The following CYLC2 variants were observed in gnomAD, a reference collection of about 807,000 sequenced individuals.
CYLC2 encodes cylicin 2.
A neutral mutation model predicts 26.1 loss-of-function variants in CYLC2; 30 were observed. The ratio of observed to expected loss-of-function variants is 1.15; its 90% confidence interval spans 0.86 to 1.56. The LOEUF (loss-of-function observed/expected upper bound fraction) is 1.56, where lower values mean the gene tolerates loss of function less well. CYLC2 is among the 40% of genes most tolerant of loss of function. The probability of loss-of-function intolerance (pLI) is 0.00; values close to 1 mark genes in which losing one functional copy is unlikely to be tolerated. For missense variants in CYLC2, 498 were observed against 394.4 expected, an observed-to-expected ratio of 1.26 and a Z score of -2.23; for synonymous variants, 158 against 132.8, an observed-to-expected ratio of 1.19 and a Z score of -1.31.
chr9:103,000,477 T>A (rs770491411), intron 1 of CYLC2, among the ~76,000 whole-genome samples: 2 of 152,082 alleles, frequency 1.3e-5, no homozygotes, highest in East Asian at 3.8e-4. Context: ...AGTATATAAA[T>A]GTACTTTGAC....
At chr9:103,014,876 C>G (rs1260063429) in intron 6 of CYLC2, among the ~76,000 whole-genome samples, 1 of 126,012 alleles carries the variant, frequency 7.9e-6, no homozygotes, top group East Asian at 2.4e-4. Flanking sequence ...ATGTAATATA[C>G]TATGTATATT....
chr9:103,017,986 C>T (rs1564102348), intron 7 of CYLC2, among the ~76,000 whole-genome samples: 1 of 151,880 alleles, frequency 6.6e-6, no homozygotes. Flanking sequence ...CTTTAAAGGC[C>T]TTGTCTACCC....
chr9:103,014,113 A>G (rs1185954862), intron 6 of CYLC2, among the ~76,000 whole-genome samples: 1 of 120,310 alleles, frequency 8.3e-6, no homozygotes, highest in African/African-American at 3.3e-5. Flanking sequence ...TATAATAAAT[A>G]TATTTTATAT....
intron 3 of CYLC2, among the ~76,000 whole-genome samples, chr9:103,003,679 T>C (rs1375791440): frequency 6.6e-6 from 1 of 152,066 alleles, no homozygotes; most frequent in African/African-American, 2.4e-5. Context: ...ATATTAACTA[T>C]TTTTTTCAGT....
rs571875621 is a variant in CYLC2, at chr9:103,005,409, G to T, written c.778G>T (p.Ala260Ser). 4 of 1,613,880 alleles carry T rather than the reference G, an allele frequency of 2.5e-6. No homozygotes were observed. In the Admixed American group the frequency reaches 6.7e-5, roughly 27 times the overall value. ...AAACAAAGGTGATGAATCGAAGGAT[G>T]CCAAGAAAGATGCAAAGGAGATTAA... is the stretch of plus-strand genomic sequence containing the variant. ...DANKGDESKDAKKDAKEIKKG... is the reference protein window; with the variant it reads ...DANKGDESKDSKKDAKEIKKG... The change falls in exon 5 of 8, where the codon GCC becomes TCC. Residue 260 changes from alanine to serine, a missense_variant. Physicochemically the swap from Ala to Ser is moderately conservative, Grantham distance 99. Coordinates refer to ENST00000374798, the MANE Select transcript of CYLC2 (RefSeq NM_001340.5).
chr9:103,014,266 C>A (rs1415883336), intron 6 of CYLC2, among the ~76,000 whole-genome samples: 2 of 124,692 alleles, frequency 1.6e-5, no homozygotes, highest in African/African-American at 6.2e-5. Context: ...TAATATATTA[C>A]ATTAAATATA....
chr9:102,996,943 C>T (rs968154667), intron 1 of CYLC2, among the ~76,000 whole-genome samples: 2 of 151,828 alleles, frequency 1.3e-5, no homozygotes, highest in Non-Finnish European at 2.9e-5. Context: ...ATTTCTGAAA[C>T]AGGTAGGAGA....
chr9:103,005,262 G>A lies in CYLC2; in HGVS notation c.631G>A (p.Gly211Arg). Residue 211 changes from glycine (G) to arginine (R), a missense_variant, in exon 5 of 8, where the codon GGA becomes AGA. Gly to Arg is a moderately radical substitution (Grantham distance 125). Coordinates refer to ENST00000374798, the MANE Select transcript of CYLC2 (RefSeq NM_001340.5). ...GGCAACAGAATCTGAAGGTGAAAAA[G>A]GAGGTACAGAGAAAGATAGCAAAAA... ...DSATESEGEK[G>R]GTEKDSKKGK... 1 of 1,613,434 alleles carries A rather than the reference G, an allele frequency of 6.2e-7. No homozygotes were observed. Among genetic ancestry groups the A allele is most frequent in the Non-Finnish European group, 8.5e-7 (1 of 1,179,832 alleles).
At chr9:103,011,628 C>T (rs541945544) in intron 5 of CYLC2, among the ~76,000 whole-genome samples, 1 of 152,094 alleles carries the variant, frequency 6.6e-6, no homozygotes, top group East Asian at 1.9e-4. Flanking sequence ...AAGGGCTCAA[C>T]TTTGCAAGAG....
intron 1 of CYLC2, 79 bp downstream of exon 1, chr9:102,995,476 T>C (rs1829228298): frequency 2.1e-6 from 2 of 969,834 alleles, no homozygotes; most frequent in Non-Finnish European, 3.3e-6. Context: ...GAAGAGATAT[T>C]TATTATATTA....
rs1268960112 is a variant in CYLC2 at position 103,014,518 on chromosome 9, A to C, written c.*817-2370A>C. ...TATACATAATATATGTAATATACATAATATATGCAATATACATCATATGTA... is the reference window on the plus strand; with the variant it reads ...TATACATAATATATGTAATATACATCATATATGCAATATACATCATATGTA... On this transcript the variant is annotated intron_variant, in intron 6 of 7. Transcript: ENST00000374798. Among the ~76,000 whole-genome samples the C allele has an allele frequency of 4.4e-4, 62 of 141,416 alleles. 2 individuals carry two copies. The highest frequency in any genetic ancestry group is 6.7e-4 in the South Asian group (3 of 4,502). 92.8% of individuals were successfully genotyped at this position (141,416 alleles called of 152,430 possible). A position where few individuals can be genotyped will look rare whatever the true frequency, so the allele number is the denominator to read the frequency against.
At chr9:103,004,663 AGTT>A in intron 3 of CYLC2, 29 bp from the exon 4 acceptor site, 1 of 1,498,124 alleles carries the variant, frequency 6.7e-7, no homozygotes, top group South Asian at 1.2e-5. Context: ...TTCACTCACA[AGTT>A]GTTCATCATT....
At chr9:102,998,227 A>T (rs1293151860) in intron 1 of CYLC2, among the ~76,000 whole-genome samples, 1 of 151,934 alleles carries the variant, frequency 6.6e-6, no homozygotes, top group Non-Finnish European at 1.5e-5. Flanking sequence ...TAGTCCTATT[A>T]AAAAACAACA....
chr9:103,006,435 ATGGAGTCTCTCTC>A (rs1829351734), intron 5 of CYLC2, 57 bp downstream of exon 5: 1 of 149,834 alleles, frequency 6.7e-6, no homozygotes, highest in Non-Finnish European at 1.5e-5. Flanking sequence ...ATTTTTTGAG[ATGGAGTCTCTCTC>A]TGTCGCCCAG....
At chr9:103,013,120 TA>T (rs1424085192) in intron 6 of CYLC2, among the ~76,000 whole-genome samples, 2 of 133,924 alleles carry the variant, frequency 1.5e-5, no homozygotes, top group African/African-American at 5.7e-5. Context: ...ATAAATAATA[TA>T]AAAATATATA....
At chr9:103,017,661 T>C (rs1829521269) in intron 7 of CYLC2, among the ~76,000 whole-genome samples, 1 of 152,002 alleles carries the variant, frequency 6.6e-6, no homozygotes. Context: ...CTAGATATAG[T>C]TGGTAACTTT....
Position 103,012,036 on chromosome 9 carries a change from G to C in CYLC2, c.*755G>C, listed in dbSNP as rs1486045293. Reference sequence around the variant, plus strand: ...GTGACATGATCTCAGGCTTACTACAGCCTCCACCTTCAGGTTCAAGTGATT... The same window carrying C: ...GTGACATGATCTCAGGCTTACTACACCCTCCACCTTCAGGTTCAAGTGATT... On this transcript the variant is annotated 3_prime_UTR_variant, in exon 6 of 8. Transcript: ENST00000374798. 3 of 128,922 alleles carry C rather than the reference G, an allele frequency of 2.3e-5. No individual in the cohort carries two copies. The highest frequency in any genetic ancestry group is 4.7e-5 in the Non-Finnish European group (3 of 64,350). 8.0% of individuals were successfully genotyped at this position (128,922 alleles called of 1,614,324 possible). A position where few individuals can be genotyped will look rare whatever the true frequency, so the allele number is the denominator to read the frequency against.
chr9:102,997,946 C>T (rs1829253709), intron 1 of CYLC2, among the ~76,000 whole-genome samples: 1 of 151,938 alleles, frequency 6.6e-6, no homozygotes. Context: ...TCCCCCATGT[C>T]TCTTGCTTCT....
intron 1 of CYLC2, among the ~76,000 whole-genome samples, chr9:103,000,222 G>C (rs531975992): frequency 6.6e-6 from 1 of 151,816 alleles, no homozygotes; most frequent in Non-Finnish European, 1.5e-5. Flanking sequence ...AAAAGGAGCT[G>C]TTTAATTTTC....
Sources: allele counts gnomAD v4.1 joint callset (sites outside exome capture counted in the v4.1 genomes callset), GRCh38; gene constraint gnomAD v4.1.1; transcripts MANE v1.5; gene names NCBI Gene and HGNC (gene_info 2026-07-23, HGNC 2026-07-21).